PTCSC3: variants seen among roughly 807,000 people sequenced by gnomAD.
PTCSC3 encodes the protein papillary thyroid carcinoma susceptibility candidate 3, also known as papillary thyroid carcinoma susceptibility candidate 3 (non-protein coding).
intron 1 of PTCSC3, among the ~76,000 whole-genome samples, chr14:36,169,930 T>C: frequency 6.6e-6 from 1 of 152,178 alleles, no homozygotes; most frequent in Non-Finnish European, 1.5e-5. Context: ...TGGTACTATG[T>C]ATTAAGTGCT....
At chr14:36,171,658 G>GA (rs951658075) in intron 1 of PTCSC3, among the ~76,000 whole-genome samples, 3 of 152,070 alleles carry the variant, frequency 2.0e-5, no homozygotes, top group African/African-American at 2.4e-5. Flanking sequence ...ACAAGATAGG[G>GA]AAAAAATCAG....
intron 2 of PTCSC3, among the ~76,000 whole-genome samples, chr14:36,157,254 G>GT (rs1424067095): frequency 1.3e-5 from 2 of 152,066 alleles, no homozygotes; most frequent in Admixed American, 6.5e-5. Context: ...TGATAGGGTT[G>GT]TTTTTTTCTT....
chr14:36,155,607 C>G (rs1367792066), intron 2 of PTCSC3, among the ~76,000 whole-genome samples: 1 of 151,996 alleles, frequency 6.6e-6, no homozygotes, highest in Non-Finnish European at 1.5e-5. Context: ...TAATGGAAGA[C>G]CAAATTTCAA....
chr14:36,156,588 G>A (rs577135814), intron 2 of PTCSC3, among the ~76,000 whole-genome samples: 1 of 152,112 alleles, frequency 6.6e-6, no homozygotes, highest in Admixed American at 6.5e-5. Flanking sequence ...ACGGGCCCCA[G>A]TGTGTGATGT....
chr14:36,149,681 G>A (rs1881679440), intron 3 of PTCSC3, among the ~76,000 whole-genome samples: 1 of 152,126 alleles, frequency 6.6e-6, no homozygotes, highest in Non-Finnish European at 1.5e-5. Flanking sequence ...TCTTTTTGGA[G>A]AATTGACACT....
chr14:36,136,932 C>G (rs1336899646), intron 3 of PTCSC3, among the ~76,000 whole-genome samples: 1 of 152,130 alleles, frequency 6.6e-6, no homozygotes, highest in Non-Finnish European at 1.5e-5. Flanking sequence ...AGGCTTTATT[C>G]TTGCTATTGA....
At chr14:36,168,769 C>A (rs1882142149) in intron 1 of PTCSC3, among the ~76,000 whole-genome samples, 1 of 152,018 alleles carries the variant, frequency 6.6e-6, no homozygotes, top group Non-Finnish European at 1.5e-5. Flanking sequence ...GTACCTGACA[C>A]TATGCCTGGC....
intron 3 of PTCSC3, among the ~76,000 whole-genome samples, chr14:36,143,894 A>C: frequency 6.7e-6 from 1 of 150,084 alleles, no homozygotes; most frequent in Non-Finnish European, 1.5e-5. Context: ...CAGTTTTCCC[A>C]GCACCATTTA....
At chr14:36,159,519 A>C (rs1352314661) in intron 2 of PTCSC3, among the ~76,000 whole-genome samples, 1 of 152,200 alleles carries the variant, frequency 6.6e-6, no homozygotes, top group Non-Finnish European at 1.5e-5. Context: ...GTAGTCATTC[A>C]GGAGCAGGTT....
At chr14:36,139,113 C>CAAAAAA (rs1396431052) in intron 3 of PTCSC3, among the ~76,000 whole-genome samples, 1 of 73,848 alleles carries the variant, frequency 1.4e-5, no homozygotes, top group African/African-American at 4.3e-5. Flanking sequence ...GACTCCATCT[C>CAAAAAA]AAAAATAAAA....
chr14:36,140,027 C>T (rs1594443053), intron 3 of PTCSC3, among the ~76,000 whole-genome samples: 1 of 152,148 alleles, frequency 6.6e-6, no homozygotes, highest in African/African-American at 2.4e-5. Context: ...AACCATGGAC[C>T]TTTTTATTCC....
intron 2 of PTCSC3, among the ~76,000 whole-genome samples, chr14:36,161,237 A>T (rs576531708): frequency 6.6e-6 from 1 of 152,240 alleles, no homozygotes; most frequent in African/African-American, 2.4e-5. Flanking sequence ...TGTCAAGCTC[A>T]TTCTCTGTCT....
chr14:36,162,347 T>A (rs1881982466), intron 2 of PTCSC3, among the ~76,000 whole-genome samples: 1 of 149,814 alleles, frequency 6.7e-6, no homozygotes, highest in South Asian at 2.1e-4. Flanking sequence ...GAAACCTAGG[T>A]CCCTTGTGGT....
intron 3 of PTCSC3, among the ~76,000 whole-genome samples, chr14:36,142,169 A>G (rs553925455): frequency 6.6e-6 from 1 of 152,268 alleles, no homozygotes. Context: ...TTTGGTAGAT[A>G]TTCCTTATCA....
At chr14:36,166,717 G>C (rs932183093) in intron 1 of PTCSC3, among the ~76,000 whole-genome samples, 1 of 152,086 alleles carries the variant, frequency 6.6e-6, no homozygotes, top group Non-Finnish European at 1.5e-5. Flanking sequence ...GAAATAGAAG[G>C]TATGATAATA....
At chr14:36,147,417 C>A (rs978548904) in intron 3 of PTCSC3, among the ~76,000 whole-genome samples, 27 of 152,156 alleles carry the variant, frequency 1.8e-4, no homozygotes, top group Non-Finnish European at 3.4e-4. Context: ...TTCATTTCAT[C>A]TTCCATTGCT....
chr14:36,167,480 ATGCTCTG>A (rs1288381635), intron 1 of PTCSC3, among the ~76,000 whole-genome samples: 1 of 152,162 alleles, frequency 6.6e-6, no homozygotes, highest in African/African-American at 2.4e-5. Flanking sequence ...TCTGTATCAA[ATGCTCTG>A]AGTAGGTTGG....
At chr14:36,160,461 G>C (rs1881931076) in intron 2 of PTCSC3, among the ~76,000 whole-genome samples, 1 of 152,102 alleles carries the variant, frequency 6.6e-6, no homozygotes, top group Non-Finnish European at 1.5e-5. Flanking sequence ...GTCTGTAAAG[G>C]ATTTTATGTC....
At chr14:36,149,433 T>C (rs1881671976) in intron 3 of PTCSC3, among the ~76,000 whole-genome samples, 1 of 152,206 alleles carries the variant, frequency 6.6e-6, no homozygotes, top group Non-Finnish European at 1.5e-5. Flanking sequence ...CCTGTGAGTT[T>C]GATAAGAATG....
Sources: gnomAD v4.1 joint callset for allele counts (sites outside exome capture counted in the v4.1 genomes callset) on GRCh38, gnomAD v4.1.1 for gene constraint, MANE v1.5 for transcripts, NCBI Gene and HGNC (gene_info 2026-07-23, HGNC 2026-07-21) for gene names.